The following ZHX3 variants were observed in gnomAD, a reference collection of about 807,000 sequenced individuals.
ZHX3 encodes the protein zinc fingers and homeoboxes 3.
Under a neutral mutation model 64.5 loss-of-function variants are expected in ZHX3, and 20 were observed. The ratio of observed to expected loss-of-function variants is 0.31; its 90% CI spans 0.22 to 0.45. The LOEUF (loss-of-function observed/expected upper bound fraction) is 0.45, where lower values mean the gene tolerates loss of function less well. Ranked by LOEUF, ZHX3 falls within the 20% of genes least tolerant of loss-of-function variation. The probability of loss-of-function intolerance (pLI) is 1.00; values close to 1 mark genes in which losing one functional copy is unlikely to be tolerated. For missense variants in ZHX3, 1,041 were observed against 1,195.8 expected (o/e 0.87, Z 1.91); for synonymous variants, 423 against 461.6 (o/e 0.92, Z 1.07).
Position 41,204,294 on chromosome 20 carries a change from C to G in ZHX3, c.623G>C (p.Ser208Thr). The change falls in exon 3 of 4, where the codon AGC becomes ACC. Residue 208 changes from serine (S) to threonine (T), a missense_variant. Physicochemically the swap from Ser to Thr is moderately conservative, Grantham distance 58. Transcript: ENST00000683867. The surrounding 1 kb of genome is among the most constrained non-coding windows in gnomAD (Gnocchi z 6.6). The part of the protein sequence containing the change: ...KIHTLKENVP[S>T]QPVGEALPKL... ...TGGTAAGGCCTCACCCACAGGCTGG[C>G]TAGGGACATTCTCCTTGAGTGTATG... 6.2e-7 allele frequency: 1 copy of G among 1,614,226 alleles called. No individual in the cohort carries two copies. The highest frequency in any genetic ancestry group is 8.5e-7 in the Non-Finnish European group (1 of 1,180,046).
At chr20:41,236,273 T>G (rs2146417628) in intron 2 of ZHX3, among the ~76,000 whole-genome samples, 1 of 152,252 alleles carries the variant, frequency 6.6e-6, no homozygotes, top group South Asian at 2.1e-4. Flanking sequence ...AAAAACTACT[T>G]TAAAGGTCAT....
chr20:41,184,918 G>T lies in ZHX3; in HGVS notation c.*273C>A. 1 of 1,537,286 alleles carries T rather than the reference G, an allele frequency of 6.5e-7. No homozygotes were observed. The highest frequency in any genetic ancestry group is 1.2e-5 in the South Asian group (1 of 83,948). ...GTCTATGAATATGACTATGAACTCT[G>T]AACTATTTTATCCATTGGAAGGTAA... On this transcript the variant is annotated 3_prime_UTR_variant, in exon 4 of 4. Transcript: ENST00000683867.
chr20:41,218,482 G>C (rs1023158499), intron 2 of ZHX3, among the ~76,000 whole-genome samples: 1 of 151,984 alleles, frequency 6.6e-6, no homozygotes, highest in African/African-American at 2.4e-5. Context: ...TGGTAAAAAG[G>C]CTTGACAGTT....
At chr20:41,196,010 C>T (rs142841829) in intron 3 of ZHX3, among the ~76,000 whole-genome samples, 152 of 151,754 alleles carry the variant, frequency 1.0e-3, no homozygotes, top group African/African-American at 3.3e-3. Flanking sequence ...GCTTAACATA[C>T]GGTTTATCCT....
chr20:41,302,053 C>CAAAAAAAAAAAA (rs555883542), intron 1 of ZHX3, among the ~76,000 whole-genome samples: 4 of 62,370 alleles, frequency 6.4e-5, no homozygotes, highest in East Asian at 9.7e-4. Context: ...GACTCCATCT[C>CAAAAAAAAAAAA]AAAAAAAAAA....
rs1488191509 is a variant in ZHX3 at position 41,202,999 on chromosome 20, C to T, written c.1918G>A (p.Glu640Lys). 6.8e-6 allele frequency: 11 copies of T among 1,614,196 alleles called. No homozygotes were observed. The highest frequency in any genetic ancestry group is 9.3e-6 in the Non-Finnish European group (11 of 1,180,042). Residue 640 changes from glutamate to lysine, a missense_variant, in exon 3 of 4, where the codon GAG (glutamate) becomes AAG (lysine). Glu to Lys is a moderately conservative substitution (Grantham distance 56). Coordinates refer to ENST00000683867, the MANE Select transcript of ZHX3 (RefSeq NM_001384317.1). This position sits in a 1 kb window ranked among gnomAD's most constrained non-coding sequence, Gnocchi z 7.0. ...TCACTTCTCAGGCGGTCCAGTTCCTCATCAAGAGGAAGAGGGTTTTGTGCA... is the reference window on the plus strand; with the variant it reads ...TCACTTCTCAGGCGGTCCAGTTCCTTATCAAGAGGAAGAGGGTTTTGTGCA... The part of the protein sequence containing the change: ...SFAQNPLPLD[E>K]ELDRLRSETK...
At chr20:41,271,325 GT>G (rs912781333) in intron 1 of ZHX3, among the ~76,000 whole-genome samples, 1 of 152,000 alleles carries the variant, frequency 6.6e-6, no homozygotes. Flanking sequence ...GCCTACAAAA[GT>G]TTTTTTTAGA....
At chr20:41,255,511 T>A (rs1448280924) in intron 2 of ZHX3, among the ~76,000 whole-genome samples, 1 of 152,202 alleles carries the variant, frequency 6.6e-6, no homozygotes, top group Non-Finnish European at 1.5e-5. Context: ...AAATTAATTA[T>A]ATCAACCAGT....
chr20:41,263,439 G>A (rs2042664475), intron 2 of ZHX3, among the ~76,000 whole-genome samples: 1 of 150,756 alleles, frequency 6.6e-6, no homozygotes, highest in Non-Finnish European at 1.5e-5. Context: ...CTGTTGCCCA[G>A]GCTGCAGTGC....
intron 1 of ZHX3, among the ~76,000 whole-genome samples, chr20:41,282,892 A>C (rs552877647): frequency 2.6e-4 from 39 of 151,776 alleles, no homozygotes; most frequent in Non-Finnish European, 5.0e-4. Flanking sequence ...GGCTTTCACA[A>C]CTCTTTATTG....
intron 1 of ZHX3, among the ~76,000 whole-genome samples, chr20:41,288,132 T>A (rs540565107): frequency 4.1e-4 from 63 of 152,132 alleles, no homozygotes; most frequent in Non-Finnish European, 7.9e-4. Flanking sequence ...GCTCAAGCGA[T>A]CCTCCCCACT....
At chr20:41,230,215 A>G (rs1038444179) in intron 2 of ZHX3, among the ~76,000 whole-genome samples, 5 of 151,860 alleles carry the variant, frequency 3.3e-5, no homozygotes, top group South Asian at 2.1e-4. Flanking sequence ...TACTGTTTCA[A>G]TGTGGCCCAT....
In ZHX3 at chr20:41,224,229, T is replaced by C. The variant is rs1394515617; in HGVS notation, c.-150-19163A>G. Among the ~76,000 whole-genome samples the C allele has an allele frequency of 6.6e-6, 1 of 152,194 alleles. No individual in the cohort carries two copies. Among genetic ancestry groups the C allele is most frequent in the Non-Finnish European group, 1.5e-5 (1 of 68,020 alleles). On this transcript the variant is annotated intron_variant, in intron 2 of 3. Coordinates refer to ENST00000683867, the MANE Select transcript of ZHX3 (RefSeq NM_001384317.1). This position sits in a 1 kb window ranked among gnomAD's most constrained non-coding sequence, Gnocchi z 5.2. ...GGGAGCTAATTATCATTTATGACAA[T>C]TTATTACAAAGCCCCTTTCTTAGTT...
intron 1 of ZHX3, among the ~76,000 whole-genome samples, chr20:41,296,726 G>A (rs985635607): frequency 6.6e-6 from 1 of 152,178 alleles, no homozygotes; most frequent in African/African-American, 2.4e-5. Context: ...CTTGACCTCT[G>A]ATTGGGTTTA....
Position 41,202,453 on chromosome 20 carries a change from C to A in ZHX3, c.2464G>T (p.Gly822Cys). Residue 822 changes from glycine (G) to cysteine (C), a missense_variant, in exon 3 of 4, where the codon GGC becomes TGC. This residue lies in a region of ZHX3 where 649 missense variants were observed against 739.8 expected (regional missense o/e 0.88). Coordinates refer to ENST00000683867, the MANE Select transcript of ZHX3 (RefSeq NM_001384317.1). This position sits in a 1 kb window ranked among gnomAD's most constrained non-coding sequence, Gnocchi z 7.0. ...TAGTCTTCGTACCATTTGAGTTGGC[C>A]GTTCTTCAGTGCGTACCTGCTATCT... ...FGDSRYALKN[G>C]QLKWYEDYKR... is the part of the protein sequence containing the mutation. 1 of 1,614,146 alleles carries A rather than the reference C, an allele frequency of 6.2e-7. No individual in the cohort carries two copies. Among genetic ancestry groups the A allele is most frequent in the Non-Finnish European group, 8.5e-7 (1 of 1,180,034 alleles).
At chr20:41,239,794 T>C (rs1355429689) in intron 2 of ZHX3, 2 of 152,246 alleles carry the variant, frequency 1.3e-5, no homozygotes, top group Non-Finnish European at 2.9e-5. Context: ...GACCCTGTGA[T>C]TCCCAGTATC....
intron 1 of ZHX3, among the ~76,000 whole-genome samples, chr20:41,294,810 G>A (rs2044424183): frequency 6.6e-6 from 1 of 152,036 alleles, no homozygotes; most frequent in African/African-American, 2.4e-5. Flanking sequence ...CTGGGTTCAG[G>A]CGATCCTCCC....
intron 2 of ZHX3, among the ~76,000 whole-genome samples, chr20:41,217,148 G>A (rs2039587636): frequency 6.6e-6 from 1 of 152,048 alleles, no homozygotes; most frequent in East Asian, 1.9e-4. Context: ...TACTGTTAAT[G>A]TTGCTATGTA....
chr20:41,223,485 C>T (rs1461782192), intron 2 of ZHX3, among the ~76,000 whole-genome samples: 2 of 152,152 alleles, frequency 1.3e-5, no homozygotes, highest in Admixed American at 1.3e-4. Flanking sequence ...TGAAAAAGAA[C>T]AAGGGAGGTG....
Sources: allele counts gnomAD v4.1 joint callset (sites outside exome capture counted in the v4.1 genomes callset), GRCh38; gene constraint gnomAD v4.1.1; regional missense constraint gnomAD v4.1.1; non-coding constraint Gnocchi (gnomAD v3.1); transcripts MANE v1.5; gene names NCBI Gene and HGNC (gene_info 2026-07-23, HGNC 2026-07-21).